SDK1: variants seen among roughly 807,000 people sequenced by gnomAD.
SDK1 encodes protein sidekick-1.
SDK1 carries 157 observed loss-of-function variants against 245.5 expected under a neutral mutation model. The ratio of observed to expected loss-of-function variants is 0.64; its 90% CI spans 0.56 to 0.73. The LOEUF (loss-of-function observed/expected upper bound fraction) is 0.73, where lower values mean the gene tolerates loss of function less well. SDK1 is among the 30% of genes least tolerant of loss of function. The pLI, the probability that SDK1 is intolerant of heterozygous loss-of-function variation, is 0.00. For missense variants in SDK1, 3,583 were observed against 3,002.3 expected, an observed-to-expected ratio of 1.19 and a Z score of -4.52; for synonymous variants, 1,647 against 1,278.5, an observed-to-expected ratio of 1.29 and a Z score of -6.15.
chr7:4,248,831 C>T (rs1431055582), intron 44 of SDK1, among the ~76,000 whole-genome samples: 3 of 152,110 alleles, frequency 2.0e-5, no homozygotes, highest in Admixed American at 1.3e-4. Context: ...ATGGCTCACA[C>T]ATACTACATG....
chr7:4,234,175 T>C (rs1009757151), intron 41 of SDK1, among the ~76,000 whole-genome samples: 1 of 152,202 alleles, frequency 6.6e-6, no homozygotes, highest in South Asian at 2.1e-4. Context: ...GTAGCTGCTC[T>C]GGGCTCAAGG....
intron 4 of SDK1, among the ~76,000 whole-genome samples, chr7:3,797,230 G>A (rs1316920250): frequency 1.3e-5 from 2 of 151,936 alleles, no homozygotes; most frequent in Admixed American, 1.3e-4. Flanking sequence ...CATTCCTCCT[G>A]CCTCGGCCTC....
intron 13 of SDK1, among the ~76,000 whole-genome samples, chr7:3,978,138 C>G (rs1334070818): frequency 1.3e-5 from 2 of 151,980 alleles, no homozygotes; most frequent in East Asian, 1.9e-4. Context: ...CAGTGAGTTC[C>G]TAGGAGCTGT....
Position 4,198,812 on chromosome 7 carries a change from CTT to C in SDK1, c.5099-7054_5099-7053del, listed in dbSNP as rs59266845. Among the ~76,000 whole-genome samples the C allele has an allele frequency of 6.4e-3, 915 of 142,346 alleles. 7 individuals are homozygous for C. Among genetic ancestry groups the C allele is most frequent in the African/African-American group, 0.021 (827 of 38,580 alleles). The allele number at this position is 142,346 out of a possible 152,430, so 93.4% of individuals were successfully genotyped here. ...TTTCTTTTTCTTTCTTTTTTCTTTGCTTTTTTTTTTTTTTCCTTTGAGACAGA... is the reference window on the plus strand; with the variant it reads ...TTTCTTTTTCTTTCTTTTTTCTTTGCTTTTTTTTTTTTCCTTTGAGACAGA... On this transcript the variant is annotated intron_variant, in intron 35 of 44. Coordinates refer to ENST00000404826, the MANE Select transcript of SDK1 (RefSeq NM_152744.4).
chr7:3,675,078 G>A (rs1783849678), intron 4 of SDK1, among the ~76,000 whole-genome samples: 3 of 152,158 alleles, frequency 2.0e-5, no homozygotes, highest in Admixed American at 1.3e-4. Context: ...TCATGCCCGT[G>A]AGCCATCTCC....
chr7:3,621,839 T>C (rs1781951729), intron 2 of SDK1, among the ~76,000 whole-genome samples: 1 of 152,218 alleles, frequency 6.6e-6, no homozygotes, highest in Non-Finnish European at 1.5e-5. Context: ...AAACTATTAT[T>C]TGCAAATCGT....
chr7:3,741,679 C>A (rs899221469), intron 4 of SDK1, among the ~76,000 whole-genome samples: 1 of 152,062 alleles, frequency 6.6e-6, no homozygotes, highest in Non-Finnish European at 1.5e-5. Flanking sequence ...TCCCATTTAT[C>A]CCATGTCTCC....
intron 28 of SDK1, among the ~76,000 whole-genome samples, chr7:4,139,352 T>C (rs937056698): frequency 6.6e-6 from 1 of 152,198 alleles, no homozygotes; most frequent in African/African-American, 2.4e-5. Context: ...TCTATCTGTA[T>C]GTATAAACAA....
At chr7:3,663,636 C>T (rs188119278) in intron 4 of SDK1, among the ~76,000 whole-genome samples, 1 of 152,280 alleles carries the variant, frequency 6.6e-6, no homozygotes, top group East Asian at 1.9e-4. Flanking sequence ...TTGTCCAGGA[C>T]TGTCCCAGTT....
chr7:4,013,292 G>A lies in SDK1; in HGVS notation c.2420+1057G>A, dbSNP rs145262872. On this transcript the variant is annotated intron_variant, in intron 16 of 44. Coordinates refer to ENST00000404826, the MANE Select transcript of SDK1 (RefSeq NM_152744.4). ...TAAAATTGCACTGAACGCGATCATT[G>A]CAGTAGCCTGTTGACACAAGTAAAA... Among the ~76,000 whole-genome samples the A allele has an allele frequency of 1.4e-3, 211 of 152,356 alleles. 2 individuals are homozygous for A. The highest frequency in any genetic ancestry group is 4.9e-3 in the African/African-American group (202 of 41,590).
intron 4 of SDK1, among the ~76,000 whole-genome samples, chr7:3,703,308 G>A (rs768546262): frequency 5.3e-5 from 8 of 152,152 alleles, no homozygotes; most frequent in Non-Finnish European, 7.3e-5. Flanking sequence ...CGTTAATAAT[G>A]TAACACTTGG....
intron 1 of SDK1, among the ~76,000 whole-genome samples, chr7:3,401,898 G>A (rs566210882): frequency 1.2e-4 from 19 of 152,252 alleles, no homozygotes; most frequent in Non-Finnish European, 7.4e-5. Flanking sequence ...GAAGACCAGT[G>A]CATGGCGTTT....
chr7:3,792,859 G>A lies in SDK1; in HGVS notation c.714-28591G>A, dbSNP rs564352501. 2.6e-5 allele frequency among the ~76,000 whole-genome samples: 4 copies of A among 152,264 alleles called. No homozygotes were observed. The South Asian group carries it at 8.3e-4, about 32-fold the overall frequency. On this transcript the variant is annotated intron_variant, in intron 4 of 44. Transcript: ENST00000404826. ...AACATCAGGACCATTGATGGTTCCT[G>A]CCTACAGTCCCCATCACCTTCCTCT...
At chr7:3,981,223 A>G (rs1184565099) in intron 13 of SDK1, among the ~76,000 whole-genome samples, 1 of 152,112 alleles carries the variant, frequency 6.6e-6, no homozygotes, top group Non-Finnish European at 1.5e-5. Context: ...GAATGTTACT[A>G]TTGTAATTGT....
chr7:3,884,004 T>C (rs1281441830), intron 5 of SDK1, among the ~76,000 whole-genome samples: 1 of 152,164 alleles, frequency 6.6e-6, no homozygotes, highest in Non-Finnish European at 1.5e-5. Context: ...CTTAGGAAGA[T>C]ATTTAAAACT....
intron 22 of SDK1, among the ~76,000 whole-genome samples, chr7:4,103,006 G>C (rs1244431944): frequency 6.2e-5 from 9 of 146,088 alleles, no homozygotes; most frequent in Admixed American, 6.1e-4. Context: ...TCCCCACAGA[G>C]CTTTTTTTTT....
At chr7:4,188,122 A>G (rs2128221820) in intron 35 of SDK1, among the ~76,000 whole-genome samples, 1 of 152,328 alleles carries the variant, frequency 6.6e-6, no homozygotes, top group African/African-American at 2.4e-5. Context: ...GCAACATGTG[A>G]GAATTATGGG....
At chr7:3,570,396 T>A (rs1285410050) in intron 1 of SDK1, among the ~76,000 whole-genome samples, 1 of 152,132 alleles carries the variant, frequency 6.6e-6, no homozygotes, top group African/African-American at 2.4e-5. Flanking sequence ...GCTCAGGCAG[T>A]AATGCTTGCT....
intron 4 of SDK1, among the ~76,000 whole-genome samples, chr7:3,745,657 C>T (rs554617224): frequency 3.9e-4 from 60 of 152,216 alleles, no homozygotes; most frequent in African/African-American, 1.3e-3. Context: ...GGAACTCCCT[C>T]GAGCGACCCC....
Sources: gnomAD v4.1 joint callset for allele counts (sites outside exome capture counted in the v4.1 genomes callset) on GRCh38, gnomAD v4.1.1 for gene constraint, MANE v1.5 for transcripts, NCBI Gene and HGNC (gene_info 2026-07-23, HGNC 2026-07-21) for gene names.